Variants in PTPRD observed in about 807,000 individuals in gnomAD.
The protein encoded by PTPRD is receptor-type tyrosine-protein phosphatase delta.
PTPRD carries 34 observed loss-of-function variants against 214.5 expected under a neutral mutation model. The observed-to-expected ratio is 0.16, with a 90% CI of 0.12 to 0.21. The LOEUF is 0.21. Ranked by LOEUF, PTPRD falls within the 10% of genes least tolerant of loss-of-function variation. PTPRD has a pLI of 1.00. For synonymous variants in PTPRD, 1,128 were observed against 845.7 expected (o/e 1.33, Z -5.79); for missense variants, 2,545 against 2,398.7 (o/e 1.06, Z -1.27).
chr9:9,316,892 A>G (rs1249344316), intron 9 of PTPRD, among the ~76,000 whole-genome samples: 1 of 152,166 alleles, frequency 6.6e-6, no homozygotes, highest in Non-Finnish European at 1.5e-5. Context: ...TTCACTGAGA[A>G]TATTGAGATC....
At chr9:9,258,556 G>A (rs1308072645) in intron 9 of PTPRD, among the ~76,000 whole-genome samples, 2 of 151,866 alleles carry the variant, frequency 1.3e-5, no homozygotes, top group African/African-American at 4.8e-5. Flanking sequence ...GCATTCAGAG[G>A]TCAGAATTAC....
chr9:9,155,661 G>C (rs1408893019), intron 10 of PTPRD, among the ~76,000 whole-genome samples: 5 of 151,966 alleles, frequency 3.3e-5, no homozygotes. Flanking sequence ...TTTTTTGTTT[G>C]CTTGTTTCAC....
Position 8,837,496 on chromosome 9 carries a change from T to TTTTTGTTTTGTTTTG in PTPRD, c.-103-103565_-103-103551dup, listed in dbSNP as rs71317377. Among the ~76,000 whole-genome samples, 55 of 151,162 alleles carry TTTTTGTTTTGTTTTG rather than the reference T, an allele frequency of 3.6e-4. 1 individual carries two copies. Among genetic ancestry groups the TTTTTGTTTTGTTTTG allele is most frequent in the African/African-American group, 1.2e-3 (51 of 40,850 alleles). Reference sequence around the variant, plus strand: ...AGACTAATCTCCTTTTCTCTTCCTTTTTTTGTTTTGTTTTGTTTTGTTTTG... The same window carrying TTTTTGTTTTGTTTTG: ...AGACTAATCTCCTTTTCTCTTCCTTTTTTTGTTTTGTTTTGTTTTGTTTTGTTTTGTTTTGTTTTG... On this transcript the variant is annotated intron_variant, in intron 11 of 45. Transcript: ENST00000381196.
chr9:9,939,227 T>G (rs915584803), intron 4 of PTPRD, among the ~76,000 whole-genome samples: 18 of 152,290 alleles, frequency 1.2e-4, no homozygotes, highest in Non-Finnish European at 2.4e-4. Flanking sequence ...ACGAAAACCA[T>G]AGAGCAGGGC....
chr9:10,223,458 A>G (rs900147614), intron 3 of PTPRD, among the ~76,000 whole-genome samples: 1 of 151,890 alleles, frequency 6.6e-6, no homozygotes, highest in Non-Finnish European at 1.5e-5. Flanking sequence ...TGAGGCCAGG[A>G]GTTAGGACCA....
chr9:10,188,293 C>T (rs779544710), intron 3 of PTPRD, among the ~76,000 whole-genome samples: 1 of 152,030 alleles, frequency 6.6e-6, no homozygotes, highest in Non-Finnish European at 1.5e-5. Flanking sequence ...CTCATGAAAG[C>T]ATGGTAATGG....
At chr9:8,843,211 G>C (rs1566545641) in intron 11 of PTPRD, among the ~76,000 whole-genome samples, 1 of 152,140 alleles carries the variant, frequency 6.6e-6, no homozygotes, top group Non-Finnish European at 1.5e-5. Flanking sequence ...TCCTTTATTT[G>C]ATTTCCATGG....
At chr9:8,864,731 C>G (rs1209870993) in intron 11 of PTPRD, among the ~76,000 whole-genome samples, 1 of 152,166 alleles carries the variant, frequency 6.6e-6, no homozygotes, top group African/African-American at 2.4e-5. Context: ...GCCAGGATCT[C>G]ACTGTCTCCA....
intron 9 of PTPRD, among the ~76,000 whole-genome samples, chr9:9,268,511 G>T (rs901249266): frequency 6.6e-6 from 1 of 150,964 alleles, no homozygotes; most frequent in Non-Finnish European, 1.5e-5. Flanking sequence ...ATAGAGAAAG[G>T]AATCTTAAAA....
chr9:10,469,079 A>T (rs143394925), intron 2 of PTPRD, among the ~76,000 whole-genome samples: 63 of 152,278 alleles, frequency 4.1e-4, no homozygotes, highest in African/African-American at 1.3e-3. Context: ...GTATATAGTA[A>T]GTATGTCTAC....
At chr9:8,991,382 T>C (rs1027373287) in intron 11 of PTPRD, among the ~76,000 whole-genome samples, 4 of 152,090 alleles carry the variant, frequency 2.6e-5, no homozygotes, top group African/African-American at 9.7e-5. Flanking sequence ...ACCCTTGTAA[T>C]GGGTAAGACT....
rs74460378 is a variant in PTPRD, at chr9:10,216,460, G to C, written c.-545+124503C>G. Among the ~76,000 whole-genome samples the C allele has an allele frequency of 5.8e-3, 874 of 151,922 alleles. 8 individuals are homozygous for C. The highest frequency in any genetic ancestry group is 0.012 in the South Asian group (59 of 4,826). On this transcript the variant is annotated intron_variant, in intron 3 of 45. Coordinates refer to ENST00000381196, the MANE Select transcript of PTPRD (RefSeq NM_002839.4). Reference sequence around the variant, plus strand: ...CATTAAAACTAAAATGAATTTAAAAGATCAATTAACTATGGTTAACTTATA... The same window carrying C: ...CATTAAAACTAAAATGAATTTAAAACATCAATTAACTATGGTTAACTTATA...
intron 34 of PTPRD, chr9:8,437,258 T>C (rs774614698): frequency 6.7e-7 from 1 of 1,498,992 alleles, no homozygotes; most frequent in South Asian, 1.3e-5. Context: ...GAAATGATGG[T>C]GTAAATAAAA....
At chr9:8,433,483 T>C (rs2095192473) in intron 35 of PTPRD, among the ~76,000 whole-genome samples, 1 of 152,190 alleles carries the variant, frequency 6.6e-6, no homozygotes, top group South Asian at 2.1e-4. Flanking sequence ...TCATAGGAGA[T>C]GACAGCTCCA....
intron 5 of PTPRD, among the ~76,000 whole-genome samples, chr9:9,806,474 C>A (rs2099074006): frequency 6.6e-6 from 1 of 152,068 alleles, no homozygotes; most frequent in Non-Finnish European, 1.5e-5. Context: ...ACCCTCCCCG[C>A]CCTTGTGAAT....
chr9:8,687,424 T>G (rs2097703665), intron 12 of PTPRD, among the ~76,000 whole-genome samples: 1 of 152,170 alleles, frequency 6.6e-6, no homozygotes, highest in African/African-American at 2.4e-5. Flanking sequence ...TTAAATAAAG[T>G]TTGGTAAGGA....
intron 10 of PTPRD, among the ~76,000 whole-genome samples, chr9:9,069,886 G>C (rs2099741230): frequency 6.6e-6 from 1 of 152,166 alleles, no homozygotes; most frequent in Admixed American, 6.5e-5. Context: ...TGTAATGTTA[G>C]CTTGAGGATC....
intron 3 of PTPRD, among the ~76,000 whole-genome samples, chr9:10,138,967 C>A (rs957756284): frequency 2.0e-5 from 3 of 151,808 alleles, no homozygotes; most frequent in Non-Finnish European, 2.9e-5. Flanking sequence ...ACTGCAACCA[C>A]CCCCCTTGAG....
intron 8 of PTPRD, among the ~76,000 whole-genome samples, chr9:9,543,061 C>G (rs1411881067): frequency 6.6e-6 from 1 of 151,582 alleles, no homozygotes; most frequent in Non-Finnish European, 1.5e-5. Flanking sequence ...AATGCAAGTG[C>G]TCATATACAT....
Sources: allele counts gnomAD v4.1 joint callset (sites outside exome capture counted in the v4.1 genomes callset), GRCh38; gene constraint gnomAD v4.1.1; transcripts MANE v1.5; gene names NCBI Gene and HGNC (gene_info 2026-07-23, HGNC 2026-07-21).